Variants in PPM1L observed in about 807,000 individuals in gnomAD.
PPM1L encodes the protein protein phosphatase, Mg2+/Mn2+ dependent 1L.
A neutral mutation model predicts 31.4 loss-of-function variants in PPM1L; 13 were observed. The ratio of observed to expected loss-of-function variants is 0.41; its 90% CI spans 0.27 to 0.66. The LOEUF (loss-of-function observed/expected upper bound fraction) is 0.66. Among genes scored for constraint, PPM1L ranks in the 30% least tolerant of loss-of-function variants. The pLI is 0.29. For missense variants in PPM1L, 326 were observed against 453.7 expected (o/e 0.72, Z 2.56); for synonymous variants, 184 against 175.4 (o/e 1.05, Z -0.39).
At chr3:160,894,145 G>T (rs751512116) in intron 1 of PPM1L, among the ~76,000 whole-genome samples, 1 of 152,160 alleles carries the variant, frequency 6.6e-6, no homozygotes, top group Non-Finnish European at 1.5e-5. Flanking sequence ...TTAAGGTGCA[G>T]TTGTATTCTA....
chr3:160,794,980 A>C (rs988642675), intron 1 of PPM1L, among the ~76,000 whole-genome samples: 1 of 152,078 alleles, frequency 6.6e-6, no homozygotes, highest in African/African-American at 2.4e-5. Context: ...GAGAAGATAA[A>C]CCTAGTATGG....
chr3:160,767,939 A>G (rs1715147944), intron 1 of PPM1L, among the ~76,000 whole-genome samples: 1 of 152,156 alleles, frequency 6.6e-6, no homozygotes, highest in Non-Finnish European at 1.5e-5. Flanking sequence ...TAGTCACTGG[A>G]TATTTTCTGG....
chr3:161,053,956 A>G (rs1353329529), intron 2 of PPM1L, among the ~76,000 whole-genome samples: 2 of 150,550 alleles, frequency 1.3e-5, no homozygotes, highest in Non-Finnish European at 3.0e-5. Flanking sequence ...TTAATTTGTA[A>G]TGGATCTATT....
chr3:160,830,752 T>C lies in PPM1L; in HGVS notation c.399+74045T>C, dbSNP rs191356333. Reference sequence around the variant, plus strand: ...AAGCTTTCATTTTTCTGTTGAATATTGGTGTTATGTTTTCTCTTGCAATTT... The same window carrying C: ...AAGCTTTCATTTTTCTGTTGAATATCGGTGTTATGTTTTCTCTTGCAATTT... On this transcript the variant is annotated intron_variant, in intron 1 of 3. Transcript: ENST00000498165. Among the ~76,000 whole-genome samples the C allele has an allele frequency of 4.5e-3, 692 of 152,308 alleles. 8 individuals carry two copies. Among genetic ancestry groups the C allele is most frequent in the Non-Finnish European group, 6.3e-3 (431 of 68,024 alleles).
intron 1 of PPM1L, among the ~76,000 whole-genome samples, chr3:160,853,380 A>G (rs558539681): frequency 5.8e-4 from 88 of 152,304 alleles, no homozygotes; most frequent in African/African-American, 2.1e-3. Context: ...AGAATATATC[A>G]TCATAATCTT....
chr3:160,770,661 G>A (rs1240839201), intron 1 of PPM1L, among the ~76,000 whole-genome samples: 1 of 152,138 alleles, frequency 6.6e-6, no homozygotes, highest in Non-Finnish European at 1.5e-5. Context: ...TAAACAATAG[G>A]CAGAATATCT....
At chr3:160,874,266 T>G (rs764655695) in intron 1 of PPM1L, among the ~76,000 whole-genome samples, 4 of 152,190 alleles carry the variant, frequency 2.6e-5, no homozygotes, top group Non-Finnish European at 5.9e-5. Flanking sequence ...AGTGGTGGTG[T>G]TGAGAGTCCA....
rs552222021 is a variant in PPM1L, at chr3:160,764,723, C to G, written c.399+8016C>G. On this transcript the variant is annotated intron_variant, in intron 1 of 3. Transcript: ENST00000498165. ...CCTCAGGCAATCTGCCCCCCTCGGC[C>G]TCCCAAAGTGCTGGGATTACAGGCA... Among the ~76,000 whole-genome samples, 75 of 152,320 alleles carry G rather than the reference C, an allele frequency of 4.9e-4. 3 individuals are homozygous for G. The South Asian group carries it at 0.016, about 32-fold the overall frequency.
chr3:161,010,088 G>T (rs995403347), intron 2 of PPM1L, among the ~76,000 whole-genome samples: 1 of 151,998 alleles, frequency 6.6e-6, no homozygotes, highest in Non-Finnish European at 1.5e-5. Flanking sequence ...TGCACCATGT[G>T]GGTGTGCTGC....
chr3:160,834,420 T>C (rs1713627744), intron 1 of PPM1L, among the ~76,000 whole-genome samples: 1 of 152,010 alleles, frequency 6.6e-6, no homozygotes, highest in African/African-American at 2.4e-5. Context: ...TTCTCTTTTC[T>C]GTTCCATTGG....
intron 1 of PPM1L, among the ~76,000 whole-genome samples, chr3:160,886,912 T>C (rs1712936440): frequency 6.6e-6 from 1 of 151,964 alleles, no homozygotes; most frequent in South Asian, 2.1e-4. Flanking sequence ...AAAACTACAC[T>C]GAGCTAAAGG....
At position 160,903,834 on chromosome 3, in the gene PPM1L, A is replaced by G. The variant is rs1324722986; in HGVS notation, c.400-57902A>G. Among the ~76,000 whole-genome samples, 6 of 82,966 alleles carry G rather than the reference A, an allele frequency of 7.2e-5. No homozygotes were observed. The South Asian group carries it at 2.3e-3, about 32-fold the overall frequency. 54.4% of individuals were successfully genotyped at this position (82,966 alleles called of 152,430 possible). ...ACAAGTCAAAGGGAAATGATAATGT[A>G]TTAGGAATTATGGATAGATATATAA... On this transcript the variant is annotated intron_variant, in intron 1 of 3. Coordinates refer to ENST00000498165, the MANE Select transcript of PPM1L (RefSeq NM_139245.4).
At chr3:160,910,286 C>A (rs1277335303) in intron 1 of PPM1L, among the ~76,000 whole-genome samples, 2 of 127,134 alleles carry the variant, frequency 1.6e-5, no homozygotes, top group Middle Eastern at 3.7e-3. Flanking sequence ...CCTTCCCTTT[C>A]CCCTTCCCCG....
intron 1 of PPM1L, among the ~76,000 whole-genome samples, chr3:160,764,285 C>T (rs1214904135): frequency 6.6e-6 from 1 of 152,176 alleles, no homozygotes; most frequent in African/African-American, 2.4e-5. Flanking sequence ...GCATGTGCCA[C>T]TGTGCCCAGC....
At chr3:161,028,067 C>T (rs770064312) in intron 2 of PPM1L, among the ~76,000 whole-genome samples, 14 of 152,184 alleles carry the variant, frequency 9.2e-5, no homozygotes, top group Non-Finnish European at 2.1e-4. Context: ...AACCTGTGCT[C>T]TTAACCACTA....
intron 1 of PPM1L, among the ~76,000 whole-genome samples, chr3:160,958,549 A>G (rs1187487967): frequency 6.6e-6 from 1 of 152,198 alleles, no homozygotes; most frequent in Non-Finnish European, 1.5e-5. Context: ...GTTATTGTGC[A>G]GTGTGTCTCT....
At chr3:161,021,333 A>AT (rs1327910537) in intron 2 of PPM1L, among the ~76,000 whole-genome samples, 2 of 151,652 alleles carry the variant, frequency 1.3e-5, no homozygotes, top group Non-Finnish European at 2.9e-5. Flanking sequence ...ATATTGTTAC[A>AT]TTTTCCAAAT....
chr3:160,958,127 G>T (rs1023209762), intron 1 of PPM1L, among the ~76,000 whole-genome samples: 3 of 152,022 alleles, frequency 2.0e-5, no homozygotes, highest in African/African-American at 7.2e-5. Flanking sequence ...CTCTGATGAT[G>T]GTTTCTTTTG....
chr3:160,865,535 G>A (rs1200472789), intron 1 of PPM1L, among the ~76,000 whole-genome samples: 6 of 152,178 alleles, frequency 3.9e-5, no homozygotes, highest in Non-Finnish European at 7.4e-5. Context: ...CAGCAATTTT[G>A]GGAGGCCAAG....
Sources: gnomAD v4.1 joint callset for allele counts (sites outside exome capture counted in the v4.1 genomes callset) on GRCh38, gnomAD v4.1.1 for gene constraint, MANE v1.5 for transcripts, NCBI Gene and HGNC (gene_info 2026-07-23, HGNC 2026-07-21) for gene names.